ARHGEF15: variants seen among roughly 807,000 people sequenced by gnomAD.
ARHGEF15 encodes the protein Rho guanine nucleotide exchange factor (GEF) 15.
In ARHGEF15, 58 loss-of-function variants were observed where a neutral mutation model predicts 79.7. The ratio of observed to expected loss-of-function variants is 0.73; its 90% CI spans 0.59 to 0.91. ARHGEF15 has a LOEUF of 0.91. Among genes scored for constraint, ARHGEF15 ranks in the 40% least tolerant of loss-of-function variants. The pLI, the probability that ARHGEF15 is intolerant of heterozygous loss-of-function variation, is 0.00. For missense variants in ARHGEF15, 1,012 were observed against 1,108.1 expected (o/e 0.91, Z 1.23); for synonymous variants, 442 against 456.0 (o/e 0.97, Z 0.39).
In ARHGEF15 at chr17:8,321,167, G is replaced by A; in HGVS notation, c.*174G>A. 1 of 835,046 alleles carries A rather than the reference G, an allele frequency of 1.2e-6. No homozygotes were observed. Among genetic ancestry groups the A allele is most frequent in the Non-Finnish European group, 1.8e-6 (1 of 547,986 alleles). 51.7% of individuals were successfully genotyped at this position (835,046 alleles called of 1,614,324 possible). ...ATGAAAACGGCCGCCTGAACCCACA[G>A]CAATAAGAATGAATGAGGATGCCTT... On this transcript the variant is annotated 3_prime_UTR_variant, in exon 16 of 16. Coordinates refer to ENST00000361926, the MANE Select transcript of ARHGEF15 (RefSeq NM_173728.4).
chr17:8,318,280 G>A lies in ARHGEF15; in HGVS notation c.1705-107G>A. ...AGATGGTGAGTGATGAGGTCTGTCAGCCTTGTTGAAACTGGCTGAAACAGA... is the reference window on the plus strand; with the variant it reads ...AGATGGTGAGTGATGAGGTCTGTCAACCTTGTTGAAACTGGCTGAAACAGA... On this transcript the variant is annotated intron_variant, in intron 9 of 15. Transcript: ENST00000361926. The surrounding 1 kb of genome is among the most constrained non-coding windows in gnomAD (Gnocchi z 5.0). The A allele has an allele frequency of 9.3e-7, 1 of 1,076,852 alleles. No individual in the cohort carries two copies. Among genetic ancestry groups the A allele is most frequent in the South Asian group, 1.5e-5 (1 of 67,154 alleles). The allele number at this position is 1,076,852 out of a possible 1,614,324, so 66.7% of individuals were successfully genotyped here.
Position 8,316,132 on chromosome 17 carries a change from T to C in ARHGEF15, c.1688T>C (p.Leu563Pro), listed in dbSNP as rs1373978799. ...LLLPFQRITR[L>P]RMLLQNILRQ... ...CTGCCCTTCCAGCGCATCACCCGGCTGCGCATGCTGCTGCAGGTACCTGTC... is the reference window on the plus strand; with the variant it reads ...CTGCCCTTCCAGCGCATCACCCGGCCGCGCATGCTGCTGCAGGTACCTGTC... Residue 563 changes from leucine to proline, a missense_variant, in exon 9 of 16, where the codon CTG becomes CCG. Leu to Pro is a moderately conservative substitution (Grantham distance 98). Around this residue, in one of 3 missense-constraint regions of ARHGEF15, gnomAD observed 818 missense variants for 882.5 expected, o/e 0.93. Coordinates refer to ENST00000361926, the MANE Select transcript of ARHGEF15 (RefSeq NM_173728.4). 3.7e-6 allele frequency: 6 copies of C among 1,602,762 alleles called. No homozygotes were observed. The highest frequency in any genetic ancestry group is 4.2e-6 in the Non-Finnish European group (5 of 1,179,268).
At position 8,318,735 on chromosome 17, in the gene ARHGEF15, T is replaced by C; in HGVS notation, c.1873-15T>C. The C allele has an allele frequency of 1.2e-6, 2 of 1,611,820 alleles. No individual in the cohort carries two copies. The highest frequency in any genetic ancestry group is 1.7e-6 in the Non-Finnish European group (2 of 1,179,180). On this transcript the variant is annotated splice_polypyrimidine_tract_variant and intron_variant, in intron 11 of 15. Coordinates refer to ENST00000361926, the MANE Select transcript of ARHGEF15 (RefSeq NM_173728.4). The surrounding 1 kb of genome is among the most constrained non-coding windows in gnomAD (Gnocchi z 5.0). ...CTGCCACGCTAGAACCTCCTCTGCC[T>C]CCGCTTCCTCGCAGGCCCTGCCCCT... is the stretch of plus-strand genomic sequence containing the variant.
At position 8,318,411 on chromosome 17, in the gene ARHGEF15, G is replaced by C. The variant is rs761486813; in HGVS notation, c.1729G>C (p.Gly577Arg). 2.4e-5 allele frequency: 39 copies of C among 1,613,974 alleles called. No homozygotes were observed. Among genetic ancestry groups the C allele is most frequent in the Non-Finnish European group, 3.2e-5 (38 of 1,180,034 alleles). ...GAATATCCTGCGCCAGACAGAAGAG[G>C]GGTCCAGCCGTCAGGAGAATGCCCA... ...LQNILRQTEE[G>R]SSRQENAQKA... is the part of the protein sequence containing the mutation. Residue 577 changes from glycine to arginine, a missense_variant, in exon 10 of 16, where the codon GGG becomes CGG. Physicochemically the swap from Gly to Arg is moderately radical, Grantham distance 125. Transcript: ENST00000361926. This position sits in a 1 kb window ranked among gnomAD's most constrained non-coding sequence, Gnocchi z 5.0.
In ARHGEF15 at chr17:8,315,966, A is replaced by G; in HGVS notation, c.1575-53A>G. On this transcript the variant is annotated intron_variant, in intron 8 of 15. Transcript: ENST00000361926. This position sits in a 1 kb window ranked among gnomAD's most constrained non-coding sequence, Gnocchi z 4.3. ...AGAGGGATGGGACCGAGGCCACAGCAGGTTGGGGCACCAGGGCCTCCAGGC... is the reference window on the plus strand; with the variant it reads ...AGAGGGATGGGACCGAGGCCACAGCGGGTTGGGGCACCAGGGCCTCCAGGC... The G allele has an allele frequency of 1.3e-6, 2 of 1,599,712 alleles. No homozygotes were observed. Among genetic ancestry groups the G allele is most frequent in the Non-Finnish European group, 1.7e-6 (2 of 1,177,358 alleles).
Position 8,313,178 on chromosome 17 carries a change from C to T in ARHGEF15, c.858C>T (p.Val286=). The T allele has an allele frequency of 6.2e-7, 1 of 1,611,274 alleles. No homozygotes were observed. The highest frequency in any genetic ancestry group is 8.5e-7 in the Non-Finnish European group (1 of 1,179,986). The change falls in exon 3 of 16, where the codon GTC becomes GTT. Residue 286 remains valine (V), a synonymous_variant. Coordinates refer to ENST00000361926, the MANE Select transcript of ARHGEF15 (RefSeq NM_173728.4). ...PLLKPPKPTR[V]RQDATIFGDP... is the part of the protein sequence containing the mutation. ...TCAAGCCTCCCAAACCAACTCGTGT[C>T]AGGCAGGATGCCACCATTTTCGGGG...
intron 15 of ARHGEF15, among the ~76,000 whole-genome samples, chr17:8,320,244 A>G (rs1006928933): frequency 3.3e-5 from 5 of 152,058 alleles, no homozygotes; most frequent in African/African-American, 1.2e-4. Flanking sequence ...TAAGTAAATT[A>G]TAAAGTACAT....
rs367945836 is a variant in ARHGEF15 at position 8,319,427 on chromosome 17, A to G, written c.2269+33A>G. 1.6e-5 allele frequency: 25 copies of G among 1,601,956 alleles called. No individual in the cohort carries two copies. In the Admixed American group the frequency reaches 2.8e-4, roughly 18 times the overall value. ...TCCCCCTAGAGGGGATGAGGGAAGA[A>G]AAAGCGAGTCTTAGAGGAATATGGG... On this transcript the variant is annotated intron_variant, in intron 14 of 15. Transcript: ENST00000361926.
Position 8,318,138 on chromosome 17 carries a change from A to G in ARHGEF15, c.1705-249A>G, listed in dbSNP as rs185834666. ...GAACTATGCTAAGCACTTTACATAT[A>G]TTGCCTTCTTGAATCCTCAAAACAA... is the stretch of plus-strand genomic sequence containing the variant. On this transcript the variant is annotated intron_variant, in intron 9 of 15. Transcript: ENST00000361926. This position sits in a 1 kb window ranked among gnomAD's most constrained non-coding sequence, Gnocchi z 5.0. 3.1e-4 allele frequency: 159 copies of G among 508,310 alleles called. 1 individual carries two copies. The highest frequency in any genetic ancestry group is 2.6e-3 in the African/African-American group (135 of 52,718). The allele number at this position is 508,310 out of a possible 1,614,324, so 31.5% of individuals were successfully genotyped here. A position where few individuals can be genotyped will look rare whatever the true frequency, so the allele number is the denominator to read the frequency against.
In ARHGEF15 at chr17:8,322,408, G is replaced by A. The variant is rs1472164462; in HGVS notation, c.*1415G>A. On this transcript the variant is annotated 3_prime_UTR_variant, in exon 16 of 16. Coordinates refer to ENST00000361926, the MANE Select transcript of ARHGEF15 (RefSeq NM_173728.4). ...AGGCACAGGGACTCCGGGAGACTCA[G>A]AGGGCGAAGAGCACTGGCATTTGGC... is the stretch of plus-strand genomic sequence containing the variant. 1 of 152,396 alleles carries A rather than the reference G, an allele frequency of 6.6e-6. No individual in the cohort carries two copies. Among genetic ancestry groups the A allele is most frequent in the Non-Finnish European group, 1.5e-5 (1 of 68,134 alleles). The allele number at this position is 152,396 out of a possible 1,614,324, so 9.4% of individuals were successfully genotyped here. A position where few individuals can be genotyped will look rare whatever the true frequency, so the allele number is the denominator to read the frequency against.
chr17:8,311,678 G>C (rs1597459963), intron 1 of ARHGEF15, among the ~76,000 whole-genome samples: 3 of 150,286 alleles, frequency 2.0e-5, no homozygotes, highest in Non-Finnish European at 3.0e-5. Flanking sequence ...ACTTCCTAAA[G>C]GGCCACACAC....
intron 15 of ARHGEF15, 83 bp downstream of exon 15, chr17:8,319,686 A>C: frequency 1.7e-6 from 2 of 1,207,990 alleles, no homozygotes; most frequent in Admixed American, 6.4e-5. Flanking sequence ...GCCAGGCTAG[A>C]GTGCAGTGGT....
chr17:8,310,346 A>T lies in ARHGEF15; in HGVS notation c.-50+3A>T, dbSNP rs1904525390. On this transcript the variant is annotated splice_donor_region_variant and intron_variant, in intron 1 of 15. Transcript: ENST00000361926. ...CAACTGGTTCCAAAAAGATAAAGGT[A>T]AATTCATGGGGACCTACTGCAGAGT... 6.6e-6 allele frequency: 1 copy of T among 152,244 alleles called. No homozygotes were observed. 9.4% of individuals were successfully genotyped at this position (152,244 alleles called of 1,614,324 possible).
chr17:8,311,693 C>T (rs1191863308), intron 1 of ARHGEF15, among the ~76,000 whole-genome samples: 1 of 151,840 alleles, frequency 6.6e-6, no homozygotes, highest in Admixed American at 6.6e-5. Context: ...ACACACCACA[C>T]ACCGTATGCT....
In ARHGEF15 at chr17:8,315,186, G is replaced by A. The variant is rs370992708; in HGVS notation, c.1169G>A (p.Gly390Glu). 2.2e-5 allele frequency: 35 copies of A among 1,613,960 alleles called. No individual in the cohort carries two copies. The highest frequency in any genetic ancestry group is 2.6e-5 in the Non-Finnish European group (31 of 1,179,976). ...GCACCCACCTTCCCACGACCCCCTG[G>A]ACCTCGCAACACCCTGTGGCAGGAG... is the stretch of plus-strand genomic sequence containing the variant. ...GDAPTFPRPP[G>E]PRNTLWQELP... is the part of the protein sequence containing the mutation. The change falls in exon 6 of 16, where the codon GGA (glycine) becomes GAA (glutamate). Residue 390 changes from glycine to glutamate, a missense_variant. Transcript: ENST00000361926. The surrounding 1 kb of genome is among the most constrained non-coding windows in gnomAD (Gnocchi z 4.3).
chr17:8,313,752 G>A lies in ARHGEF15; in HGVS notation c.989+197G>A, dbSNP rs182770680. 2.4e-3 allele frequency: 1,185 copies of A among 490,252 alleles called. 8 individuals are homozygous for A. Among genetic ancestry groups the A allele is most frequent in the African/African-American group, 6.3e-3 (317 of 50,462 alleles). The allele number at this position is 490,252 out of a possible 1,614,324, so 30.4% of individuals were successfully genotyped here. A position where few individuals can be genotyped will look rare whatever the true frequency, so the allele number is the denominator to read the frequency against. On this transcript the variant is annotated intron_variant, in intron 4 of 15. Coordinates refer to ENST00000361926, the MANE Select transcript of ARHGEF15 (RefSeq NM_173728.4). ...CAATTCTGTGATCTTATAGAAGGCC[G>A]GGCACGGTGGCTTACATCTGTAATC...
rs766671999 is a variant in ARHGEF15, at chr17:8,314,916, G to A, written c.1000G>A (p.Gly334Arg). 1.2e-6 allele frequency: 2 copies of A among 1,613,934 alleles called. No homozygotes were observed. The highest frequency in any genetic ancestry group is 2.7e-5 in the African/African-American group (2 of 74,896). ...TTTCTTTCTCCACAGGGAAGAGGAGGGGCTAGAGGTGCTGAAGGAGCAGAA... is the reference window on the plus strand; with the variant it reads ...TTTCTTTCTCCACAGGGAAGAGGAGAGGCTAGAGGTGCTGAAGGAGCAGAA... The part of the protein sequence containing the change: ...PATVEGREEE[G>R]LEVLKEQNWE... Residue 334 changes from glycine (G) to arginine (R), a missense_variant, in exon 5 of 16, where the codon GGG becomes AGG. Physicochemically the swap from Gly to Arg is moderately radical, Grantham distance 125. Around this residue, in one of 3 missense-constraint regions of ARHGEF15, gnomAD observed 818 missense variants for 882.5 expected, o/e 0.93. Transcript: ENST00000361926.
chr17:8,319,661 A>AATGAGACTCT, intron 15 of ARHGEF15, 58 bp downstream of exon 15: 1 of 1,360,196 alleles, frequency 7.4e-7, no homozygotes, highest in Non-Finnish European at 9.8e-7. Flanking sequence ...TTTGAGACAG[A>AATGAGACTCT]GTCTCATTCT....
In ARHGEF15 at chr17:8,312,071, C is replaced by T. The variant is rs753043864; in HGVS notation, c.32C>T (p.Pro11Leu). 3 of 1,327,966 alleles carry T rather than the reference C, an allele frequency of 2.3e-6. No individual in the cohort carries two copies. The highest frequency in any genetic ancestry group is 4.3e-5 in the Admixed American group (2 of 46,626). The allele number at this position is 1,327,966 out of a possible 1,614,324, so 82.3% of individuals were successfully genotyped here. MSAQSLPAAT[P>L]PTQKPPRIIR... ...GCCCAGTCCCTTCCTGCAGCAACAC[C>T]CCCCACGCAGAAGCCCCCTCGGATC... Residue 11 changes from proline (P) to leucine (L), a missense_variant, in exon 2 of 16, where the codon CCC (proline) becomes CTC (leucine). Physicochemically the swap from Pro to Leu is moderately conservative, Grantham distance 98. Transcript: ENST00000361926.
Sources: gnomAD v4.1 joint callset for allele counts (sites outside exome capture counted in the v4.1 genomes callset) on GRCh38, gnomAD v4.1.1 for gene constraint, gnomAD v4.1.1 regional missense constraint, Gnocchi (gnomAD v3.1) non-coding constraint, MANE v1.5 for transcripts, NCBI Gene and HGNC (gene_info 2026-07-23, HGNC 2026-07-21) for gene names.